Variants in DIAPH2 observed in about 807,000 individuals in gnomAD.
DIAPH2 encodes diaphanous related formin 2.
DIAPH2 carries 35 observed loss-of-function variants against 92.7 expected under a neutral mutation model. The observed-to-expected ratio is 0.38, with a 90% CI of 0.29 to 0.50. DIAPH2 has a LOEUF of 0.50. Among genes scored for constraint, DIAPH2 ranks in the 20% least tolerant of loss-of-function variants. DIAPH2 has a pLI of 0.94. For missense variants in DIAPH2, 701 were observed against 819.5 expected (o/e 0.86, Z 1.77); for synonymous variants, 301 against 280.4 (o/e 1.07, Z -0.73).
chrX:96,949,498 A>C (rs1457636034), intron 15 of DIAPH2, among the ~76,000 whole-genome samples: 1 of 109,392 alleles, frequency 9.1e-6, no homozygotes, highest in East Asian at 2.9e-4. Flanking sequence ...TAAACTTTCA[A>C]ACTGATTGTG....
chrX:97,457,655 G>A (rs189075961), intron 26 of DIAPH2, among the ~76,000 whole-genome samples: 1 of 111,368 alleles, frequency 9.0e-6, no homozygotes, highest in African/African-American at 3.3e-5. Flanking sequence ...TTCACTATAC[G>A]GGCCTCTCTA....
intron 5 of DIAPH2, among the ~76,000 whole-genome samples, chrX:96,889,778 G>A (rs1022652480): frequency 1.8e-5 from 2 of 111,673 alleles, no homozygotes. Context: ...TTTGCACAGA[G>A]GTCTAAAGGA....
rs755068879 is a variant in DIAPH2 at position 97,539,850 on chromosome X, CA to C, written c.3242-59396del. ...CCATGGAAGATAAGAAAACAAACCA[CA>C]AAAAAATACACAAATTTATACTTAC... On this transcript the variant is annotated intron_variant, in intron 26 of 26. Transcript: ENST00000324765. Among the ~76,000 whole-genome samples the C allele has an allele frequency of 2.9e-3, 326 of 111,349 alleles. 6 individuals carry two copies. The highest frequency in any genetic ancestry group is 3.4e-3 in the Non-Finnish European group (181 of 52,939).
At chrX:96,930,094 T>C (rs1317043774) in intron 9 of DIAPH2, among the ~76,000 whole-genome samples, 1 of 111,102 alleles carries the variant, frequency 9.0e-6, no homozygotes, top group African/African-American at 3.3e-5. Flanking sequence ...CTCTTACATA[T>C]GCTTTATTAT....
intron 23 of DIAPH2, among the ~76,000 whole-genome samples, chrX:97,305,212 G>C (rs1049774181): frequency 5.3e-5 from 6 of 112,255 alleles, no homozygotes; most frequent in African/African-American, 1.9e-4. Context: ...GAGGGGCTAG[G>C]TTGGGCGCGG....
At chrX:97,479,051 G>A (rs1368775837) in intron 26 of DIAPH2, among the ~76,000 whole-genome samples, 3 of 111,550 alleles carry the variant, frequency 2.7e-5, no homozygotes, top group Admixed American at 9.5e-5. Context: ...CCAGCAATTG[G>A]TTGTCTTTGA....
At chrX:97,559,890 A>G (rs1007778096) in intron 26 of DIAPH2, among the ~76,000 whole-genome samples, 1 of 111,982 alleles carries the variant, frequency 8.9e-6, no homozygotes, top group Non-Finnish European at 1.9e-5. Context: ...ATGGAAAAAG[A>G]CATCATGCTT....
intron 26 of DIAPH2, among the ~76,000 whole-genome samples, chrX:97,441,599 C>T (rs1379771698): frequency 8.1e-5 from 9 of 111,594 alleles, no homozygotes; most frequent in South Asian, 7.5e-4. Context: ...AGGCGGATCA[C>T]GAGGTCAGGA....
intron 17 of DIAPH2, among the ~76,000 whole-genome samples, chrX:97,027,985 G>A (rs907107905): frequency 3.6e-5 from 4 of 112,248 alleles, no homozygotes; most frequent in Non-Finnish European, 7.5e-5. Context: ...AATTTAAAAA[G>A]CTGTATTATG....
At chrX:97,588,584 A>G (rs62594849) in intron 26 of DIAPH2, among the ~76,000 whole-genome samples, 2,150 of 110,543 alleles carry the variant, frequency 0.019, 21 homozygotes, top group Non-Finnish European at 0.031. Context: ...GGAGAGAGTC[A>G]ATCTTTTAGA....
chrX:96,809,335 T>A (rs1258160346), intron 4 of DIAPH2, among the ~76,000 whole-genome samples: 4 of 100,447 alleles, frequency 4.0e-5, no homozygotes, highest in Admixed American at 1.1e-4. Context: ...AAAAAAAAAA[T>A]GTGGTTAAAA....
chrX:97,548,842 G>A (rs1569422056), intron 26 of DIAPH2, among the ~76,000 whole-genome samples: 1 of 111,894 alleles, frequency 8.9e-6, no homozygotes, highest in East Asian at 2.8e-4. Flanking sequence ...TGTCACAGTA[G>A]GAACTAGAGA....
chrX:96,884,736 A>G (rs1393616762), intron 5 of DIAPH2: 1 of 1,210,321 alleles, frequency 8.3e-7, no homozygotes, highest in Admixed American at 2.2e-5. Flanking sequence ...GCCTTGAGGT[A>G]TTGAAAATTC....
At chrX:96,788,454 C>T (rs1485108172) in intron 4 of DIAPH2, among the ~76,000 whole-genome samples, 3 of 111,767 alleles carry the variant, frequency 2.7e-5, no homozygotes, top group Non-Finnish European at 5.6e-5. Context: ...AAATCTAGGA[C>T]GGCTCCTACA....
At chrX:97,172,465 G>A (rs2147453923) in intron 22 of DIAPH2, among the ~76,000 whole-genome samples, 1 of 111,753 alleles carries the variant, frequency 8.9e-6, no homozygotes, top group South Asian at 3.7e-4. Context: ...CAAAAGGCCA[G>A]ATAACTTGGA....
At chrX:97,401,367 G>T (rs987432507) in intron 25 of DIAPH2, among the ~76,000 whole-genome samples, 1 of 110,855 alleles carries the variant, frequency 9.0e-6, no homozygotes, top group African/African-American at 3.3e-5. Flanking sequence ...GCCTTGCATA[G>T]TCTGATTGAT....
chrX:96,845,618 A>G (rs2064966098), intron 4 of DIAPH2, among the ~76,000 whole-genome samples: 1 of 112,246 alleles, frequency 8.9e-6, no homozygotes. Context: ...CTCCATTTAC[A>G]ATGATTATTT....
chrX:96,967,694 G>T, intron 17 of DIAPH2, among the ~76,000 whole-genome samples: 1 of 110,976 alleles, frequency 9.0e-6, no homozygotes, highest in Admixed American at 9.6e-5. Context: ...TAGGATTACA[G>T]GCGTGACCCA....
At chrX:97,592,155 C>T (rs1346750424) in intron 26 of DIAPH2, among the ~76,000 whole-genome samples, 1 of 111,963 alleles carries the variant, frequency 8.9e-6, no homozygotes, top group Non-Finnish European at 1.9e-5. Context: ...AATGTGGATA[C>T]ATTTTTAATG....
Sources: allele counts gnomAD v4.1 joint callset (sites outside exome capture counted in the v4.1 genomes callset), GRCh38; gene constraint gnomAD v4.1.1; transcripts MANE v1.5; gene names NCBI Gene and HGNC (gene_info 2026-07-23, HGNC 2026-07-21).